The following CNPY4 variants were observed in gnomAD, a reference collection of about 807,000 sequenced individuals.
The protein encoded by CNPY4 is protein canopy homolog 4.
A neutral mutation model predicts 30.1 loss-of-function variants in CNPY4; 33 were observed. The ratio of observed to expected loss-of-function variants is 1.10; its 90% CI spans 0.83 to 1.46. The LOEUF is 1.46. CNPY4 is among the 40% of genes most tolerant of loss of function. CNPY4 has a pLI of 0.00. For missense variants in CNPY4, 324 were observed against 302.6 expected, an observed-to-expected ratio of 1.07 and a Z score of -0.52; for synonymous variants, 109 against 110.1, an observed-to-expected ratio of 0.99 and a Z score of 0.06.
At chr7:100,121,039 TTCA>T (rs1488948916) in intron 1 of CNPY4, 1 of 133,740 alleles carries the variant, frequency 7.5e-6, no homozygotes, top group Non-Finnish European at 1.6e-5. Context: ...TTATTTAATC[TTCA>T]TCACACTCCT....
At position 100,119,638 on chromosome 7, in the gene CNPY4, C is replaced by T. The variant is rs1205102745; in HGVS notation, c.-107C>T. 29 of 1,602,544 alleles carry T rather than the reference C, an allele frequency of 1.8e-5. No individual in the cohort carries two copies. The African/African-American group carries it at 3.6e-4, about 20-fold the overall frequency. ...TGATCCTGCGCATGCGCCGACCTTC[C>T]TCGGCTGGATTTAAGGTTGCCGCTA... On this transcript the variant is annotated 5_prime_UTR_variant, in exon 1 of 6. Transcript: ENST00000262932.
chr7:100,122,972 G>A (rs1012503983), intron 4 of CNPY4, 66 bp downstream of exon 4: 1 of 1,530,950 alleles, frequency 6.5e-7, no homozygotes, highest in Non-Finnish European at 8.8e-7. Flanking sequence ...CTAGGTTCTA[G>A]GGTTTGACTA....
rs1027960449 is a variant in CNPY4, at chr7:100,124,994, C to T, written c.*106C>T. 22 of 1,321,676 alleles carry T rather than the reference C, an allele frequency of 1.7e-5. No individual in the cohort carries two copies. The highest frequency in any genetic ancestry group is 1.2e-4 in the East Asian group (5 of 42,988). 81.9% of individuals were successfully genotyped at this position (1,321,676 alleles called of 1,614,324 possible). A position where few individuals can be genotyped will look rare whatever the true frequency, so the allele number is the denominator to read the frequency against. The stretch of plus-strand genomic sequence containing the variant: ...CAGGGTGTGTTTATGAGTGACTCCA[C>T]CCAAGCTTGTAGCTGTTCTCTCCCA... On this transcript the variant is annotated 3_prime_UTR_variant, in exon 6 of 6. Coordinates refer to ENST00000262932, the MANE Select transcript of CNPY4 (RefSeq NM_152755.2).
chr7:100,122,676 T>C, intron 3 of CNPY4, 99 bp downstream of exon 3: 1 of 1,518,954 alleles, frequency 6.6e-7, no homozygotes, highest in Non-Finnish European at 8.9e-7. Flanking sequence ...CTCACCATCA[T>C]GGAACTCACC....
chr7:100,121,073 A>C, intron 1 of CNPY4: 1 of 90,006 alleles, frequency 1.1e-5, no homozygotes, highest in Non-Finnish European at 2.2e-5. Flanking sequence ...TACTATTATT[A>C]TCCAATTGTA....
chr7:100,123,347 AAAAAAC>A (rs201621789), intron 4 of CNPY4, among the ~76,000 whole-genome samples: 3,214 of 151,652 alleles, frequency 0.021, 121 homozygotes, highest in African/African-American at 0.075. Flanking sequence ...ATCTTAAAAA[AAAAAAC>A]AAAAACAAAA....
chr7:100,124,662 C>T, intron 5 of CNPY4, 31 bp downstream of exon 5: 4 of 1,610,010 alleles, frequency 2.5e-6, no homozygotes, highest in Non-Finnish European at 3.4e-6. Context: ...CCTCTCCTGC[C>T]AAGCCATAGC....
At chr7:100,121,117 T>TATATATATTG (rs1491228284) in intron 1 of CNPY4, 1 of 35,162 alleles carries the variant, frequency 2.8e-5, no homozygotes, top group Admixed American at 4.9e-4. Context: ...TATATATATA[T>TATATATATTG]TTTTTTTTTT....
At position 100,122,398 on chromosome 7, in the gene CNPY4, T is replaced by G; in HGVS notation, c.245+13T>G. 1 of 1,614,070 alleles carries G rather than the reference T, an allele frequency of 6.2e-7. No homozygotes were observed. Among genetic ancestry groups the G allele is most frequent in the Non-Finnish European group, 8.5e-7 (1 of 1,180,022 alleles). On this transcript the variant is annotated intron_variant, in intron 2 of 5. Transcript: ENST00000262932. The stretch of plus-strand genomic sequence containing the variant: ...CTTACAGCGTTTCGTGAGTCCTTCG[T>G]GCTCCTCCCCTTTCCAACCCCCAAC...
At chr7:100,123,347 A>C (rs146487917) in intron 4 of CNPY4, among the ~76,000 whole-genome samples, 2,623 of 151,696 alleles carry the variant, frequency 0.017, 33 homozygotes, top group Non-Finnish European at 0.027. Flanking sequence ...ATCTTAAAAA[A>C]AAAAACAAAA....
In CNPY4 at chr7:100,119,682, G is replaced by C. The variant is rs1263250062; in HGVS notation, c.-63G>C. On this transcript the variant is annotated 5_prime_UTR_variant, in exon 1 of 6. Coordinates refer to ENST00000262932, the MANE Select transcript of CNPY4 (RefSeq NM_152755.2). Reference sequence around the variant, plus strand: ...GCCGCTAGCCGCCTGGGAATTTAAGGGACCCACACTACCTTCCCGAAGTTG... The same window carrying C: ...GCCGCTAGCCGCCTGGGAATTTAAGCGACCCACACTACCTTCCCGAAGTTG... 1.2e-6 allele frequency: 2 copies of C among 1,612,644 alleles called. No homozygotes were observed. The highest frequency in any genetic ancestry group is 3.4e-5 in the Admixed American group (2 of 59,610).
At chr7:100,123,361 AAAAC>A (rs757914205) in intron 4 of CNPY4, among the ~76,000 whole-genome samples, 23 of 151,654 alleles carry the variant, frequency 1.5e-4, no homozygotes, top group Non-Finnish European at 3.2e-4. Flanking sequence ...AACAAAAACA[AAAAC>A]AAAAAAAAAG....
intron 4 of CNPY4, 72 bp downstream of exon 4, chr7:100,122,978 G>A (rs920553270): frequency 2.7e-6 from 4 of 1,488,938 alleles, no homozygotes; most frequent in Non-Finnish European, 3.6e-6. Context: ...TCTAGGGTTT[G>A]ACTATAGGGG....
chr7:100,121,110 A>ATTTTT (rs1798036782), intron 1 of CNPY4: 20 of 28,386 alleles, frequency 7.0e-4, no homozygotes, highest in South Asian at 1.2e-3. Context: ...ATATATATAT[A>ATTTTT]TATATATTTT....
At chr7:100,121,788 C>T (rs977254057) in intron 1 of CNPY4, among the ~76,000 whole-genome samples, 11 of 150,958 alleles carry the variant, frequency 7.3e-5, no homozygotes, top group South Asian at 2.1e-4. Context: ...TGGTGGCTCA[C>T]GCCTGTAATC....
intron 1 of CNPY4, 46 bp downstream of exon 1, chr7:100,119,908 C>T: frequency 6.5e-7 from 1 of 1,527,212 alleles, no homozygotes; most frequent in African/African-American, 1.4e-5. Context: ...GGCCACACCT[C>T]CTTCTTCTAG....
Position 100,124,638 on chromosome 7 carries a change from G to T in CNPY4, c.583+7G>T, listed in dbSNP as rs199801822. ...CTCCCAGCTGCTGAAACTGGTAAGC[G>T]TAAGGGTTGAACTCCTCTCCTGCCA... On this transcript the variant is annotated splice_region_variant and intron_variant, in intron 5 of 5. Coordinates refer to ENST00000262932, the MANE Select transcript of CNPY4 (RefSeq NM_152755.2). The T allele has an allele frequency of 1.1e-5, 17 of 1,612,274 alleles. No homozygotes were observed. Among genetic ancestry groups the T allele is most frequent in the Admixed American group, 1.7e-5 (1 of 59,854 alleles).
At chr7:100,121,120 T>TATACA (rs1798049168) in intron 1 of CNPY4, 1 of 33,942 alleles carries the variant, frequency 2.9e-5, no homozygotes. Flanking sequence ...ATATATATTT[T>TATACA]TTTTTTTTTT....
chr7:100,120,895 G>C (rs1286532110), intron 1 of CNPY4, among the ~76,000 whole-genome samples: 1 of 151,972 alleles, frequency 6.6e-6, no homozygotes, highest in Non-Finnish European at 1.5e-5. Flanking sequence ...ACAGAGACCT[G>C]TAGATAGAGA....
Sources: gnomAD v4.1 joint callset for allele counts (sites outside exome capture counted in the v4.1 genomes callset) on GRCh38, gnomAD v4.1.1 for gene constraint, MANE v1.5 for transcripts, NCBI Gene and HGNC (gene_info 2026-07-23, HGNC 2026-07-21) for gene names.